TRIM67: variants seen among roughly 807,000 people sequenced by gnomAD.
TRIM67 encodes the protein tripartite motif-containing protein 67.
A neutral mutation model predicts 71.0 loss-of-function variants in TRIM67; 39 were observed. That is an observed-to-expected ratio of 0.55 (90% confidence interval 0.43 to 0.72). The LOEUF is 0.72. Ranked by LOEUF, TRIM67 falls within the 30% of genes least tolerant of loss-of-function variation. The pLI is 0.00. For missense variants in TRIM67, 973 were observed against 1,079.2 expected, an observed-to-expected ratio of 0.90 and a Z score of 1.38; for synonymous variants, 481 against 473.9, an observed-to-expected ratio of 1.01 and a Z score of -0.19.
chr1:231,164,709 T>C (rs533804578), intron 1 of TRIM67, among the ~76,000 whole-genome samples: 1 of 151,906 alleles, frequency 6.6e-6, no homozygotes, highest in South Asian at 2.1e-4. Flanking sequence ...AGGCAAGAGG[T>C]CTCCACACAG....
At chr1:231,214,778 CAAAAAAAAAA>C (rs748778482) in intron 9 of TRIM67, among the ~76,000 whole-genome samples, 5 of 43,934 alleles carry the variant, frequency 1.1e-4, no homozygotes, top group South Asian at 7.8e-4. Flanking sequence ...GACTTCATCT[CAAAAAAAAAA>C]AAAAAAAAAA....
At chr1:231,202,607 T>G (rs1683583973) in intron 5 of TRIM67, among the ~76,000 whole-genome samples, 2 of 152,110 alleles carry the variant, frequency 1.3e-5, no homozygotes, top group African/African-American at 4.8e-5. Context: ...CTCTTTGGTT[T>G]TTGTGGACTG....
intron 1 of TRIM67, among the ~76,000 whole-genome samples, chr1:231,168,171 G>A (rs1334137330): frequency 1.3e-5 from 2 of 152,030 alleles, no homozygotes; most frequent in Admixed American, 1.3e-4. Context: ...TGCTCTGTTG[G>A]CCAGGCTGGT....
chr1:231,220,101 A>G lies in TRIM67; in HGVS notation c.*4661A>G, dbSNP rs1383728543. On this transcript the variant is annotated 3_prime_UTR_variant, in exon 10 of 10. Transcript: ENST00000366653. The stretch of plus-strand genomic sequence containing the variant: ...ATTATACAATAACATTTTTAAAGAA[A>G]AAAAGTGCAGTCTTTCATCTCTGGC... 1.7e-6 allele frequency: 1 copy of G among 585,526 alleles called. No homozygotes were observed. Among genetic ancestry groups the G allele is most frequent in the East Asian group, 6.9e-5 (1 of 14,424 alleles). 36.3% of individuals were successfully genotyped at this position (585,526 alleles called of 1,614,324 possible).
chr1:231,180,153 G>A (rs1032681453), intron 1 of TRIM67, among the ~76,000 whole-genome samples: 1 of 152,142 alleles, frequency 6.6e-6, no homozygotes, highest in African/African-American at 2.4e-5. Context: ...ATCTATCTTA[G>A]AGTTTATCCT....
chr1:231,203,111 G>C (rs1427210092), intron 5 of TRIM67, among the ~76,000 whole-genome samples: 2 of 151,992 alleles, frequency 1.3e-5, no homozygotes, highest in Non-Finnish European at 2.9e-5. Flanking sequence ...ATTGAAATAT[G>C]TACTTTTAAC....
intron 1 of TRIM67, among the ~76,000 whole-genome samples, chr1:231,171,065 G>A (rs565184643): frequency 2.0e-5 from 3 of 152,198 alleles, no homozygotes; most frequent in African/African-American, 7.2e-5. Flanking sequence ...TGCCCTAATG[G>A]GACTGCTTTT....
At chr1:231,214,376 A>G (rs563360914) in intron 9 of TRIM67, among the ~76,000 whole-genome samples, 1 of 152,232 alleles carries the variant, frequency 6.6e-6, no homozygotes, top group South Asian at 2.1e-4. Flanking sequence ...GAGTGTGGGG[A>G]GCAAGGTCCT....
intron 1 of TRIM67, among the ~76,000 whole-genome samples, chr1:231,172,089 AAAAC>A (rs1489857220): frequency 6.6e-5 from 10 of 152,332 alleles, no homozygotes; most frequent in South Asian, 6.2e-4. Context: ...CCCAACTCTA[AAAAC>A]AAACAAACCA....
intron 5 of TRIM67, among the ~76,000 whole-genome samples, chr1:231,202,145 A>G (rs376213679): frequency 3.5e-3 from 8 of 2,304 alleles, no homozygotes; most frequent in East Asian, 0.015. Flanking sequence ...AGGAGGAGGA[A>G]GAGGTAGCGG....
rs1684014212 is a variant in TRIM67 at position 231,216,375 on chromosome 1, T to C, written c.*935T>C. The C allele has an allele frequency of 3.0e-6, 3 of 985,336 alleles. No homozygotes were observed. The African/African-American group carries it at 5.2e-5, about 17-fold the overall frequency. The allele number at this position is 985,336 out of a possible 1,614,324, so 61.0% of individuals were successfully genotyped here. On this transcript the variant is annotated 3_prime_UTR_variant, in exon 10 of 10. Transcript: ENST00000366653. ...TTAAATCCACGTGAAAACACAAGAATTTTAACAACTATGTCATAGGTCTTC... is the reference window on the plus strand; with the variant it reads ...TTAAATCCACGTGAAAACACAAGAACTTTAACAACTATGTCATAGGTCTTC...
Position 231,218,501 on chromosome 1 carries a change from C to T in TRIM67, c.*3061C>T, listed in dbSNP as rs889813182. The T allele has an allele frequency of 2.1e-5, 21 of 985,244 alleles. No individual in the cohort carries two copies. The South Asian group carries it at 2.3e-4, about 11-fold the overall frequency. The allele number at this position is 985,244 out of a possible 1,614,324, so 61.0% of individuals were successfully genotyped here. A position where few individuals can be genotyped will look rare whatever the true frequency, so the allele number is the denominator to read the frequency against. On this transcript the variant is annotated 3_prime_UTR_variant, in exon 10 of 10. Coordinates refer to ENST00000366653, the MANE Select transcript of TRIM67 (RefSeq NM_001004342.5). ...TTTTCCTTTTAAAATTAATCTCTTC[C>T]GAAAATATCCACTAGCACCTCACTG... is the stretch of plus-strand genomic sequence containing the variant.
chr1:231,200,367 A>T (rs1218440080), intron 4 of TRIM67, 109 bp downstream of exon 4: 2 of 697,192 alleles, frequency 2.9e-6, no homozygotes, highest in Non-Finnish European at 5.2e-6. Context: ...GATTGAGTAG[A>T]TTCTCCTTTG....
chr1:231,162,100 G>C lies in TRIM67; in HGVS notation c.-870G>C, dbSNP rs1013824822. The C allele has an allele frequency of 6.6e-6, 1 of 152,132 alleles. No individual in the cohort carries two copies. The highest frequency in any genetic ancestry group is 1.5e-5 in the Non-Finnish European group (1 of 67,998). 9.4% of individuals were successfully genotyped at this position (152,132 alleles called of 1,614,324 possible). A position where few individuals can be genotyped will look rare whatever the true frequency, so the allele number is the denominator to read the frequency against. On this transcript the variant is annotated 5_prime_UTR_variant, in exon 1 of 10. Coordinates refer to ENST00000366653, the MANE Select transcript of TRIM67 (RefSeq NM_001004342.5). The stretch of plus-strand genomic sequence containing the variant: ...CGCGCGGGGAGGCAGCGGCAGCGGC[G>C]GGAGGGAGGCGGGGAGGGGATTCCC...
Position 231,220,028 on chromosome 1 carries a change from G to A in TRIM67, c.*4588G>A, listed in dbSNP as rs1274054507. 2.7e-6 allele frequency: 3 copies of A among 1,105,950 alleles called. No individual in the cohort carries two copies. The highest frequency in any genetic ancestry group is 3.7e-6 in the Non-Finnish European group (3 of 821,258). 68.5% of individuals were successfully genotyped at this position (1,105,950 alleles called of 1,614,324 possible). ...TTTCTGTGCCTCAGTATCCCCACCT[G>A]AAATGAGACTAGTCATACTAACCTA... is the stretch of plus-strand genomic sequence containing the variant. On this transcript the variant is annotated 3_prime_UTR_variant, in exon 10 of 10. Coordinates refer to ENST00000366653, the MANE Select transcript of TRIM67 (RefSeq NM_001004342.5).
chr1:231,203,350 T>C (rs1451708216), intron 5 of TRIM67, among the ~76,000 whole-genome samples: 2 of 152,212 alleles, frequency 1.3e-5, no homozygotes, highest in East Asian at 3.9e-4. Context: ...ACTGACCTTG[T>C]AAATGCTTCC....
intron 5 of TRIM67, among the ~76,000 whole-genome samples, chr1:231,202,123 A>AGATAGT (rs1683555482): frequency 9.1e-5 from 1 of 11,018 alleles, no homozygotes; most frequent in Non-Finnish European, 1.8e-4. Flanking sequence ...GTAATGGTGG[A>AGATAGT]GGAGGAGATG....
At chr1:231,188,002 C>T (rs1683132042) in intron 1 of TRIM67, among the ~76,000 whole-genome samples, 1 of 152,158 alleles carries the variant, frequency 6.6e-6, no homozygotes, top group Non-Finnish European at 1.5e-5. Context: ...CCTGCACTTC[C>T]CTGCCCTGCC....
chr1:231,214,707 A>G (rs1571907233), intron 9 of TRIM67, among the ~76,000 whole-genome samples: 1 of 142,232 alleles, frequency 7.0e-6, no homozygotes, highest in Non-Finnish European at 1.5e-5. Context: ...TGAACCCGGG[A>G]GGCGGAGCTT....
Sources: allele counts gnomAD v4.1 joint callset (sites outside exome capture counted in the v4.1 genomes callset), GRCh38; gene constraint gnomAD v4.1.1; transcripts MANE v1.5; gene names NCBI Gene and HGNC (gene_info 2026-07-23, HGNC 2026-07-21).